Variants in MRGPRX2 observed in about 807,000 individuals in gnomAD.
The protein encoded by MRGPRX2 is mas-related G protein-coupled receptor member X2.
For missense variants in MRGPRX2, 389 were observed against 404.5 expected (o/e 0.96, Z 0.33); for synonymous variants, 183 against 175.6 (o/e 1.04, Z -0.33).
chr11:19,058,462 C>G (rs1849638276), intron 1 of MRGPRX2, among the ~76,000 whole-genome samples: 4 of 151,760 alleles, frequency 2.6e-5, no homozygotes, highest in Admixed American at 2.6e-4. Flanking sequence ...GCTCTGTCAC[C>G]CAGGCTGGAG....
intron 1 of MRGPRX2, among the ~76,000 whole-genome samples, chr11:19,060,301 A>G (rs1056467667): frequency 6.6e-6 from 1 of 152,252 alleles, no homozygotes; most frequent in Non-Finnish European, 1.5e-5. Flanking sequence ...GTGCAACCTG[A>G]GGTTTTAAAT....
At chr11:19,059,856 CT>C (rs1259400385) in intron 1 of MRGPRX2, among the ~76,000 whole-genome samples, 5 of 151,478 alleles carry the variant, frequency 3.3e-5, no homozygotes, top group South Asian at 4.2e-4. Context: ...TGGAGGGTGA[CT>C]TTTTTTTTCA....
Position 19,056,367 on chromosome 11 carries a change from A to C in MRGPRX2, c.36T>G (p.Ser12Arg), listed in dbSNP as rs769322981. 12 of 1,613,378 alleles carry C rather than the reference A, an allele frequency of 7.4e-6. 1 individual carries two copies. The Admixed American group carries it at 2.0e-4, about 27-fold the overall frequency. Residue 12 changes from serine (S) to arginine (R), a missense_variant, in exon 2 of 2, where the codon AGT becomes AGG. Coordinates refer to ENST00000329773, the MANE Select transcript of MRGPRX2 (RefSeq NM_054030.4). ...CTTGGTCATTTCCATTCACTGTTGT[A>C]CTTTCTGTTCCCCAGGCCGGGGTGG... ...DPTTPAWGTE[S>R]TTVNGNDQAL...
intron 1 of MRGPRX2, among the ~76,000 whole-genome samples, chr11:19,057,108 A>C (rs941568292): frequency 6.6e-5 from 10 of 152,146 alleles, no homozygotes; most frequent in African/African-American, 7.2e-5. Flanking sequence ...TGAATGAATG[A>C]ATGCATGCAT....
Position 19,056,213 on chromosome 11 carries a change from A to G in MRGPRX2, c.190T>C (p.Phe64Leu). 1.9e-6 allele frequency: 3 copies of G among 1,614,128 alleles called. No homozygotes were observed. Among genetic ancestry groups the G allele is most frequent in the Non-Finnish European group, 1.7e-6 (2 of 1,179,964 alleles). Residue 64 changes from phenylalanine to leucine, a missense_variant, in exon 2 of 2, where the codon TTC becomes CTC. Coordinates refer to ENST00000329773, the MANE Select transcript of MRGPRX2 (RefSeq NM_054030.4). ...LLGFRMRRNA[F>L]SVYVLSLAGA... ...GCCAGGCTGAGGACGTAGACAGAGA[A>G]GGCGTTCCTGCGCATGCGGAAGCCC...
chr11:19,055,630 C>G lies in MRGPRX2; in HGVS notation c.773G>C (p.Cys258Ser). ...WIWKDSDVLF[C>S]HIHPVSVVLS... is the part of the protein sequence containing the mutation. ...GACAACTGAAACTGGATGAATATGA[C>G]AAAATAAGACATCAGAATCCTTCCA... is the stretch of plus-strand genomic sequence containing the variant. Residue 258 changes from cysteine (C) to serine (S), a missense_variant, in exon 2 of 2, where the codon TGT becomes TCT. Physicochemically the swap from Cys to Ser is moderately radical, Grantham distance 112 (BLOSUM62 -1). Coordinates refer to ENST00000329773, the MANE Select transcript of MRGPRX2 (RefSeq NM_054030.4). 1 of 1,614,126 alleles carries G rather than the reference C, an allele frequency of 6.2e-7. No individual in the cohort carries two copies. Among genetic ancestry groups the G allele is most frequent in the East Asian group, 2.2e-5 (1 of 44,874 alleles).
Position 19,056,274 on chromosome 11 carries a change from G to T in MRGPRX2, c.129C>A (p.Val43=), listed in dbSNP as rs561450238. 1.9e-6 allele frequency: 3 copies of T among 1,614,212 alleles called. No homozygotes were observed. In the East Asian group the frequency reaches 6.7e-5, roughly 36 times the overall value. ...GCACAAACCCGTTTCCTACCAGCCC[G>T]ACCAGGGCAATGAAAAGGATCAGGA... ...PVFLILFIAL[V]GLVGNGFVLW... The change falls in exon 2 of 2, where the codon GTC becomes GTA. Residue 43 remains valine, a synonymous_variant. Transcript: ENST00000329773.
intron 1 of MRGPRX2, among the ~76,000 whole-genome samples, chr11:19,057,452 A>G (rs1467242734): frequency 6.6e-6 from 1 of 152,162 alleles, no homozygotes; most frequent in African/African-American, 2.4e-5. Flanking sequence ...GCAATTTGGG[A>G]AAAGGAGAGA....
intron 1 of MRGPRX2, among the ~76,000 whole-genome samples, chr11:19,058,190 ACT>A (rs1289061043): frequency 1.3e-5 from 2 of 152,138 alleles, no homozygotes; most frequent in African/African-American, 4.8e-5. Context: ...GCCGTCAATC[ACT>A]CCACACTGCA....
chr11:19,057,567 T>C (rs1849630843), intron 1 of MRGPRX2, among the ~76,000 whole-genome samples: 1 of 152,210 alleles, frequency 6.6e-6, no homozygotes, highest in Non-Finnish European at 1.5e-5. Flanking sequence ...ATTTTGAGCT[T>C]TCTTTGCAAA....
At position 19,055,151 on chromosome 11, in the gene MRGPRX2, T is replaced by G; in HGVS notation, c.*259A>C. 1 of 382,194 alleles carries G rather than the reference T, an allele frequency of 2.6e-6. No individual in the cohort carries two copies. The highest frequency in any genetic ancestry group is 3.9e-5 in the East Asian group (1 of 25,592). The allele number at this position is 382,194 out of a possible 1,614,324, so 23.7% of individuals were successfully genotyped here. On this transcript the variant is annotated 3_prime_UTR_variant, in exon 2 of 2. Transcript: ENST00000329773. ...TTTCAGCCTTCTGCGAAAGGTAGGA[T>G]TCATTAAAAGTGGGAACAGTCATGG... is the stretch of plus-strand genomic sequence containing the variant.
intron 1 of MRGPRX2, among the ~76,000 whole-genome samples, chr11:19,058,468 T>G (rs2133316592): frequency 6.6e-6 from 1 of 151,740 alleles, no homozygotes; most frequent in East Asian, 1.9e-4. Context: ...TCACCCAGGC[T>G]GGAGTGCAGT....
chr11:19,056,087 TGAA>T lies in MRGPRX2; in HGVS notation c.313_315del (p.Phe105del). The T allele has an allele frequency of 6.2e-7, 1 of 1,613,980 alleles. No individual in the cohort carries two copies. Among genetic ancestry groups the T allele is most frequent in the Non-Finnish European group, 8.5e-7 (1 of 1,179,992 alleles). ...AGGTAGGCACAGGTCATCACAGTGGTGAAGAAGCTAGGGAAATTGATGGAGATG... is the reference window on the plus strand; with the variant it reads ...AGGTAGGCACAGGTCATCACAGTGGTGAAGCTAGGGAAATTGATGGAGATG... On this transcript the variant is annotated inframe_deletion, in exon 2 of 2. Coordinates refer to ENST00000329773, the MANE Select transcript of MRGPRX2 (RefSeq NM_054030.4).
Position 19,055,629 on chromosome 11 carries a change from A to G in MRGPRX2, c.774T>C (p.Cys258=), listed in dbSNP as rs767532431. 6.2e-7 allele frequency: 1 copy of G among 1,614,092 alleles called. No individual in the cohort carries two copies. Among genetic ancestry groups the G allele is most frequent in the African/African-American group, 1.3e-5 (1 of 74,940 alleles). Reference sequence around the variant, plus strand: ...GGACAACTGAAACTGGATGAATATGACAAAATAAGACATCAGAATCCTTCC... The same window carrying G: ...GGACAACTGAAACTGGATGAATATGGCAAAATAAGACATCAGAATCCTTCC... ...WIWKDSDVLF[C]HIHPVSVVLS... The change falls in exon 2 of 2, where the codon TGT becomes TGC. Residue 258 remains cysteine (C), a synonymous_variant. Coordinates refer to ENST00000329773, the MANE Select transcript of MRGPRX2 (RefSeq NM_054030.4).
At position 19,056,105 on chromosome 11, in the gene MRGPRX2, T is replaced by G. The variant is rs374152084; in HGVS notation, c.298A>C (p.Asn100His). The G allele has an allele frequency of 6.2e-7, 1 of 1,613,954 alleles. No individual in the cohort carries two copies. Among genetic ancestry groups the G allele is most frequent in the African/African-American group, 1.3e-5 (1 of 74,884 alleles). The change falls in exon 2 of 2, where the codon AAT (asparagine) becomes CAT (histidine). Residue 100 changes from asparagine (N) to histidine (H), a missense_variant. Coordinates refer to ENST00000329773, the MANE Select transcript of MRGPRX2 (RefSeq NM_054030.4). ...LSNFFCSISI[N>H]FPSFFTTVMT... ...ACAGTGGTGAAGAAGCTAGGGAAAT[T>G]GATGGAGATGGAACAGAAGAAGTTA...
intron 1 of MRGPRX2, among the ~76,000 whole-genome samples, chr11:19,058,563 G>A (rs920020406): frequency 2.0e-5 from 3 of 151,934 alleles, no homozygotes; most frequent in African/African-American, 7.3e-5. Flanking sequence ...TGGGACTACA[G>A]GTGCCCACCA....
rs1849613537 is a variant in MRGPRX2, at chr11:19,055,997, A to C, written c.406T>G (p.Trp136Gly). ...TGTCTGGGGCGGCGGCAGCGATACC[A>C]GATGGGCCACAGGACGGACAGGCAG... ...ERCLSVLWPI[W>G]YRCRRPRHLS... Residue 136 changes from tryptophan to glycine, a missense_variant, in exon 2 of 2, where the codon TGG (tryptophan) becomes GGG (glycine). Trp to Gly is a radical substitution (Grantham distance 184, BLOSUM62 -2). Transcript: ENST00000329773. 6.2e-7 allele frequency: 1 copy of C among 1,614,110 alleles called. No individual in the cohort carries two copies.
chr11:19,058,214 T>C (rs1415591072), intron 1 of MRGPRX2, among the ~76,000 whole-genome samples: 1 of 152,066 alleles, frequency 6.6e-6, no homozygotes, highest in Non-Finnish European at 1.5e-5. Context: ...AAAACTCTCA[T>C]GGGTTGGAGG....
Position 19,055,614 on chromosome 11 carries a change from A to G in MRGPRX2, c.789T>C (p.Val263=), listed in dbSNP as rs761884925. The G allele has an allele frequency of 6.2e-7, 1 of 1,614,194 alleles. No individual in the cohort carries two copies. Among genetic ancestry groups the G allele is most frequent in the South Asian group, 1.1e-5 (1 of 91,078 alleles). ...SDVLFCHIHP[V]SVVLSSLNSS... Reference sequence around the variant, plus strand: ...TGTTAAGAGATGACAGGACAACTGAAACTGGATGAATATGACAAAATAAGA... The same window carrying G: ...TGTTAAGAGATGACAGGACAACTGAGACTGGATGAATATGACAAAATAAGA... The change falls in exon 2 of 2, where the codon GTT becomes GTC. Residue 263 remains valine, a synonymous_variant. Transcript: ENST00000329773.
Sources: gnomAD v4.1 joint callset for allele counts (sites outside exome capture counted in the v4.1 genomes callset) on GRCh38, gnomAD v4.1.1 for gene constraint, MANE v1.5 for transcripts, NCBI Gene and HGNC (gene_info 2026-07-23, HGNC 2026-07-21) for gene names.